The following DYM variants were observed in gnomAD, a reference collection of about 807,000 sequenced individuals.
The protein encoded by DYM is dyggve-Melchior-Clausen syndrome protein.
In DYM, 78 loss-of-function variants were observed where a neutral mutation model predicts 93.1. The ratio of observed to expected loss-of-function variants is 0.84; its 90% CI spans 0.70 to 1.01. The LOEUF (loss-of-function observed/expected upper bound fraction) is 1.01. DYM is among the 50% of genes least tolerant of loss of function. The pLI is 0.00. For missense variants in DYM, 789 were observed against 845.0 expected, an observed-to-expected ratio of 0.93 and a Z score of 0.82; for synonymous variants, 321 against 319.7, an observed-to-expected ratio of 1.00 and a Z score of -0.04.
chr18:49,409,283 CAAAA>C (rs200898948), intron 2 of DYM, among the ~76,000 whole-genome samples: 1 of 63,390 alleles, frequency 1.6e-5, no homozygotes, highest in Non-Finnish European at 3.3e-5. Context: ...GACTCTGTCT[CAAAA>C]AAAAAAAAAA....
intron 6 of DYM, among the ~76,000 whole-genome samples, chr18:49,338,213 G>A (rs999868506): frequency 6.6e-6 from 1 of 152,308 alleles, no homozygotes; most frequent in South Asian, 2.1e-4. Context: ...CATTTTGCAA[G>A]ACTGCCAGAA....
Position 49,295,843 on chromosome 18 carries a change from T to C in DYM, c.764-9227A>G, listed in dbSNP as rs1052652653. The stretch of plus-strand genomic sequence containing the variant: ...TTACATGCTTTGCTAAAAAAAAAAA[T>C]ACACAGGTATTCCATGTGCACTTTA... On this transcript the variant is annotated intron_variant, in intron 8 of 17. Transcript: ENST00000675505. Among the ~76,000 whole-genome samples, 4 of 151,956 alleles carry C rather than the reference T, an allele frequency of 2.6e-5. No individual in the cohort carries two copies. In the East Asian group the frequency reaches 5.8e-4, roughly 22 times the overall value.
intron 15 of DYM, among the ~76,000 whole-genome samples, chr18:49,122,600 G>C (rs1599905289): frequency 6.6e-6 from 1 of 152,258 alleles, no homozygotes; most frequent in Non-Finnish European, 1.5e-5. Context: ...ATAGTGAGTT[G>C]TATAATTATT....
At chr18:49,205,192 C>T (rs2145994577) in intron 14 of DYM, among the ~76,000 whole-genome samples, 1 of 152,236 alleles carries the variant, frequency 6.6e-6, no homozygotes, top group South Asian at 2.1e-4. Flanking sequence ...GAAATCCTGT[C>T]CTCAGGTGAT....
chr18:49,242,711 G>GT (rs1435131815), intron 13 of DYM, among the ~76,000 whole-genome samples: 25 of 152,234 alleles, frequency 1.6e-4, no homozygotes, highest in African/African-American at 5.8e-4. Flanking sequence ...GTTTGTTTTT[G>GT]TTTTTTGAGA....
intron 5 of DYM, among the ~76,000 whole-genome samples, chr18:49,375,936 C>T (rs2067466104): frequency 6.6e-6 from 1 of 152,142 alleles, no homozygotes; most frequent in South Asian, 2.1e-4. Flanking sequence ...CACTGGACTC[C>T]AGATTCTTCT....
intron 17 of DYM, among the ~76,000 whole-genome samples, chr18:49,088,702 G>C (rs966626175): frequency 6.6e-6 from 1 of 152,168 alleles, no homozygotes; most frequent in Non-Finnish European, 1.5e-5. Flanking sequence ...TATTATGTAT[G>C]CTTTCAGTTA....
At chr18:49,228,247 T>C (rs1363480387) in intron 13 of DYM, among the ~76,000 whole-genome samples, 1 of 152,184 alleles carries the variant, frequency 6.6e-6, no homozygotes, top group Non-Finnish European at 1.5e-5. Context: ...GGGAGTTCTA[T>C]GCATCATCAT....
At chr18:49,336,908 T>TA (rs2146926754) in intron 6 of DYM, among the ~76,000 whole-genome samples, 2 of 152,290 alleles carry the variant, frequency 1.3e-5, no homozygotes, top group South Asian at 4.1e-4. Context: ...ACCTGGAGTA[T>TA]GAGTGGCAAT....
intron 16 of DYM, among the ~76,000 whole-genome samples, chr18:49,104,631 A>G (rs2145716305): frequency 6.6e-6 from 1 of 152,224 alleles, no homozygotes; most frequent in African/African-American, 2.4e-5. Flanking sequence ...GTGTTGTTGA[A>G]TTTTGTCAAA....
chr18:49,391,785 CA>C lies in DYM; in HGVS notation c.141-141del, dbSNP rs570963392. 4,417 of 533,536 alleles carry C rather than the reference CA, an allele frequency of 8.3e-3. 3 individuals carry two copies. Among genetic ancestry groups the C allele is most frequent in the Non-Finnish European group, 9.5e-3 (3,035 of 320,206 alleles). The allele number at this position is 533,536 out of a possible 1,614,324, so 33.1% of individuals were successfully genotyped here. A position where few individuals can be genotyped will look rare whatever the true frequency, so the allele number is the denominator to read the frequency against. ...GCACAGTAGTGAACAATAAGATCAG[CA>C]AAAAAAAAAGTTAGGCTTCAATTTT... is the stretch of plus-strand genomic sequence containing the variant. On this transcript the variant is annotated intron_variant, in intron 2 of 17. Coordinates refer to ENST00000675505, the MANE Select transcript of DYM (RefSeq NM_001353214.3).
intron 17 of DYM, among the ~76,000 whole-genome samples, chr18:49,047,245 C>T (rs1406836229): frequency 6.6e-6 from 1 of 152,242 alleles, no homozygotes; most frequent in Admixed American, 6.5e-5. Flanking sequence ...CTGCAGTCCC[C>T]TTTTCAAAAA....
At chr18:49,080,372 G>A (rs1418664586) in intron 17 of DYM, among the ~76,000 whole-genome samples, 1 of 137,684 alleles carries the variant, frequency 7.3e-6, no homozygotes, top group Admixed American at 7.0e-5. Context: ...CGGGGTGGCT[G>A]GCCGGGCGAG....
chr18:49,365,213 GA>G (rs756626220), intron 5 of DYM, among the ~76,000 whole-genome samples: 47 of 152,062 alleles, frequency 3.1e-4, no homozygotes, highest in Non-Finnish European at 2.2e-4. Flanking sequence ...CTAGCATTCA[GA>G]AATTATAAAG....
chr18:49,096,802 T>C (rs1046958138), intron 17 of DYM, among the ~76,000 whole-genome samples: 1 of 152,156 alleles, frequency 6.6e-6, no homozygotes, highest in African/African-American at 2.4e-5. Flanking sequence ...CACTATTACA[T>C]CCCAGGCACA....
chr18:49,441,276 T>TTATATA (rs1568454725), intron 1 of DYM, among the ~76,000 whole-genome samples: 7 of 43,296 alleles, frequency 1.6e-4, no homozygotes, highest in East Asian at 1.8e-3. Flanking sequence ...ATAATATATA[T>TTATATA]TATATAATTA....
intron 8 of DYM, among the ~76,000 whole-genome samples, chr18:49,286,824 A>G (rs1014515451): frequency 3.9e-5 from 6 of 152,198 alleles, no homozygotes; most frequent in African/African-American, 1.4e-4. Flanking sequence ...AAATAGAGAA[A>G]TAGAGATTTT....
intron 1 of DYM, among the ~76,000 whole-genome samples, chr18:49,458,523 A>G (rs1479245273): frequency 6.6e-6 from 1 of 152,160 alleles, no homozygotes; most frequent in African/African-American, 2.4e-5. Context: ...TTTATGTGTG[A>G]TAATGGTATT....
chr18:49,425,100 A>C (rs1340463760), intron 2 of DYM, among the ~76,000 whole-genome samples: 1 of 152,206 alleles, frequency 6.6e-6, no homozygotes, highest in Non-Finnish European at 1.5e-5. Context: ...ATCCTAAGGC[A>C]AAAGAACAAA....
Sources: allele counts gnomAD v4.1 joint callset (sites outside exome capture counted in the v4.1 genomes callset), GRCh38; gene constraint gnomAD v4.1.1; transcripts MANE v1.5; gene names NCBI Gene and HGNC (gene_info 2026-07-23, HGNC 2026-07-21).